ANKFN1: variants seen among roughly 807,000 people sequenced by gnomAD.
ANKFN1 encodes ankyrin repeat and fibronectin type III domain containing 1.
In ANKFN1, 74 loss-of-function variants were observed where a neutral mutation model predicts 108.7. That is an observed-to-expected ratio of 0.68 (90% CI 0.56 to 0.83). The LOEUF (loss-of-function observed/expected upper bound fraction) is 0.83. ANKFN1 is among the 40% of genes least tolerant of loss of function. The pLI, the probability that ANKFN1 is intolerant of heterozygous loss-of-function variation, is 0.00. For missense variants in ANKFN1, 1,505 were observed against 1,382.3 expected (o/e 1.09, Z -1.41); for synonymous variants, 547 against 516.2 (o/e 1.06, Z -0.81).
In ANKFN1 at chr17:56,510,846, C is replaced by T. The variant is rs759608327; in HGVS notation, c.3018C>T (p.Pro1006=). 31 of 1,536,168 alleles carry T rather than the reference C, an allele frequency of 2.0e-5. No homozygotes were observed. In the South Asian group the frequency reaches 3.2e-4, roughly 16 times the overall value. Reference sequence around the variant, plus strand: ...GAAAGCGGAAGCCAGGCAAGCACCCCCACTATGGCGGCTTCAGCCGCCATC... The same window carrying T: ...GAAAGCGGAAGCCAGGCAAGCACCCTCACTATGGCGGCTTCAGCCGCCATC... ...FLGKRKPGKH[P]HYGGFSRHHR... The change falls in exon 21 of 21, where the codon CCC becomes CCT. Residue 1006 remains proline, a synonymous_variant. Coordinates refer to ENST00000682825, the MANE Select transcript of ANKFN1 (RefSeq NM_001370326.1).
intron 2 of ANKFN1, among the ~76,000 whole-genome samples, chr17:56,227,045 G>T (rs372669911): frequency 1.5e-4 from 23 of 152,100 alleles, no homozygotes; most frequent in African/African-American, 3.6e-4. Context: ...GGTGTGGAAA[G>T]ATCTTTCTGT....
At chr17:56,307,931 A>G (rs902998932) in intron 3 of ANKFN1, among the ~76,000 whole-genome samples, 2 of 152,196 alleles carry the variant, frequency 1.3e-5, no homozygotes, top group Non-Finnish European at 2.9e-5. Context: ...CTTTATAGGG[A>G]CATGGATGAA....
At chr17:56,248,641 T>C (rs907122724) in intron 3 of ANKFN1, among the ~76,000 whole-genome samples, 29 of 152,282 alleles carry the variant, frequency 1.9e-4, no homozygotes, top group African/African-American at 7.2e-5. Context: ...AATTTAAGCA[T>C]CTACCAGACC....
chr17:56,235,966 T>C (rs952916350), intron 3 of ANKFN1, among the ~76,000 whole-genome samples: 1 of 152,226 alleles, frequency 6.6e-6, no homozygotes, highest in Non-Finnish European at 1.5e-5. Flanking sequence ...TTTAATCATA[T>C]TGATTCTTCC....
At chr17:56,246,590 G>C (rs781583915) in intron 3 of ANKFN1, among the ~76,000 whole-genome samples, 12 of 151,964 alleles carry the variant, frequency 7.9e-5, no homozygotes, top group Non-Finnish European at 1.6e-4. Flanking sequence ...AGCCTACTAA[G>C]TAAATAGTTA....
intron 1 of ANKFN1, among the ~76,000 whole-genome samples, chr17:56,169,786 A>G (rs1266785540): frequency 2.6e-5 from 4 of 151,958 alleles, no homozygotes; most frequent in East Asian, 1.9e-4. Flanking sequence ...CTGCCCTGCT[A>G]CTCCTGTTCT....
intron 4 of ANKFN1, among the ~76,000 whole-genome samples, chr17:56,116,119 C>G (rs1328028111): frequency 1.3e-5 from 2 of 152,126 alleles, no homozygotes; most frequent in South Asian, 4.1e-4. Flanking sequence ...CCAGGTAGAA[C>G]CGAGCATCCT....
chr17:56,440,625 T>G (rs753657696), intron 9 of ANKFN1, among the ~76,000 whole-genome samples: 4 of 152,168 alleles, frequency 2.6e-5, no homozygotes, highest in Non-Finnish European at 4.4e-5. Context: ...CTTTATAAAC[T>G]GTCGTGTTCT....
At chr17:56,443,370 GA>G (rs1256272519) in intron 10 of ANKFN1, among the ~76,000 whole-genome samples, 3 of 151,878 alleles carry the variant, frequency 2.0e-5, no homozygotes, top group Non-Finnish European at 4.4e-5. Context: ...TGCCTCTAAA[GA>G]AAAAAACAAA....
intron 4 of ANKFN1, among the ~76,000 whole-genome samples, chr17:56,081,686 G>A (rs1035056566): frequency 4.6e-5 from 7 of 152,270 alleles, no homozygotes; most frequent in South Asian, 2.1e-4. Context: ...CCTACTTCCG[G>A]CATCTTGTAT....
At chr17:56,474,371 A>G (rs1052214523) in intron 15 of ANKFN1, among the ~76,000 whole-genome samples, 5 of 152,218 alleles carry the variant, frequency 3.3e-5, no homozygotes, top group African/African-American at 1.2e-4. Flanking sequence ...TTCTATTGCT[A>G]TAATAAATTA....
At chr17:56,446,857 A>G (rs954312823) in intron 10 of ANKFN1, among the ~76,000 whole-genome samples, 3 of 152,126 alleles carry the variant, frequency 2.0e-5, no homozygotes, top group Middle Eastern at 3.2e-3. Context: ...GTGAGCTAAG[A>G]TCGCACCACT....
chr17:56,448,309 A>G (rs1375738394), intron 10 of ANKFN1, among the ~76,000 whole-genome samples: 1 of 152,156 alleles, frequency 6.6e-6, no homozygotes, highest in Admixed American at 6.5e-5. Context: ...AGAGTTGGAG[A>G]CAGCAGAATT....
chr17:56,457,786 C>A, intron 13 of ANKFN1, 77 bp from the exon 14 acceptor site: 2 of 1,092,092 alleles, frequency 1.8e-6, no homozygotes, highest in South Asian at 1.4e-5. Flanking sequence ...TTTCTTTCTC[C>A]CTGCTTTGCT....
At chr17:56,358,023 C>T (rs1233669464) in intron 6 of ANKFN1, among the ~76,000 whole-genome samples, 1 of 152,096 alleles carries the variant, frequency 6.6e-6, no homozygotes, top group African/African-American at 2.4e-5. Flanking sequence ...TATTAATTGC[C>T]TTGGTGTTTG....
intron 8 of ANKFN1, among the ~76,000 whole-genome samples, chr17:56,376,539 T>G (rs1458731718): frequency 1.3e-5 from 2 of 152,218 alleles, no homozygotes; most frequent in Non-Finnish European, 2.9e-5. Flanking sequence ...TCTCTCCAGC[T>G]CAGGATTTCG....
chr17:56,165,469 G>T (rs1352451200), intron 1 of ANKFN1, among the ~76,000 whole-genome samples: 2 of 152,062 alleles, frequency 1.3e-5, no homozygotes, highest in Non-Finnish European at 2.9e-5. Context: ...CTGCCAAAAG[G>T]ATTCAAATAA....
At chr17:56,253,953 T>C (rs201980112) in intron 3 of ANKFN1, among the ~76,000 whole-genome samples, 3 of 152,324 alleles carry the variant, frequency 2.0e-5, no homozygotes, top group East Asian at 3.9e-4. Flanking sequence ...CCCTATTTAT[T>C]ATCTCTTTAA....
At chr17:56,314,863 T>C (rs1870499120) in intron 3 of ANKFN1, among the ~76,000 whole-genome samples, 1 of 152,162 alleles carries the variant, frequency 6.6e-6, no homozygotes, top group Non-Finnish European at 1.5e-5. Flanking sequence ...AAAGAAGACA[T>C]GAATGATTTT....
Sources: gnomAD v4.1 joint callset for allele counts (sites outside exome capture counted in the v4.1 genomes callset) on GRCh38, gnomAD v4.1.1 for gene constraint, MANE v1.5 for transcripts, NCBI Gene and HGNC (gene_info 2026-07-23, HGNC 2026-07-21) for gene names.